The following PTPRN2 variants were observed in gnomAD, a reference collection of about 807,000 sequenced individuals.
PTPRN2 encodes protein tyrosine phosphatase receptor type N2.
Under a neutral mutation model 118.8 loss-of-function variants are expected in PTPRN2, and 74 were observed. The observed-to-expected ratio is 0.62, with a 90% CI of 0.52 to 0.76. The LOEUF is 0.76. Among genes scored for constraint, PTPRN2 ranks in the 30% least tolerant of loss-of-function variants. The pLI is 0.00. For synonymous variants in PTPRN2, 641 were observed against 608.0 expected (o/e 1.05, Z -0.80); for missense variants, 1,481 against 1,394.4 (o/e 1.06, Z -0.99).
chr7:158,058,047 G>T (rs1251983553), intron 11 of PTPRN2, among the ~76,000 whole-genome samples: 2 of 152,212 alleles, frequency 1.3e-5, no homozygotes, highest in African/African-American at 4.8e-5. Context: ...ATGATCTATT[G>T]TAAGTAAATC....
intron 16 of PTPRN2, among the ~76,000 whole-genome samples, chr7:157,599,378 C>A (rs1801533204): frequency 6.6e-6 from 1 of 152,164 alleles, no homozygotes; most frequent in Non-Finnish European, 1.5e-5. Context: ...TTGACTGATT[C>A]TTATGAAGAT....
chr7:158,143,608 G>A (rs1160141919), intron 6 of PTPRN2, among the ~76,000 whole-genome samples: 2 of 152,190 alleles, frequency 1.3e-5, no homozygotes, highest in Non-Finnish European at 1.5e-5. Context: ...CTGTGGACAC[G>A]AACCAATGAA....
intron 3 of PTPRN2, among the ~76,000 whole-genome samples, chr7:158,273,281 T>C (rs1011342348): frequency 6.6e-6 from 1 of 152,128 alleles, no homozygotes; most frequent in African/African-American, 2.4e-5. Flanking sequence ...TTATGGCCAG[T>C]GAGCACCCAC....
intron 12 of PTPRN2, among the ~76,000 whole-genome samples, chr7:157,717,711 G>A (rs947149081): frequency 2.0e-5 from 3 of 152,348 alleles, no homozygotes; most frequent in Non-Finnish European, 4.4e-5. Context: ...CTGCAGGACC[G>A]CTGGCTGGGG....
intron 3 of PTPRN2, among the ~76,000 whole-genome samples, chr7:158,274,539 A>G (rs1243083411): frequency 6.6e-6 from 1 of 151,958 alleles, no homozygotes; most frequent in Non-Finnish European, 1.5e-5. Flanking sequence ...GCACAGGGGG[A>G]GCCACAGACA....
At chr7:158,295,820 C>T (rs1034035126) in intron 3 of PTPRN2, among the ~76,000 whole-genome samples, 14 of 152,194 alleles carry the variant, frequency 9.2e-5, no homozygotes, top group East Asian at 5.8e-4. Context: ...CCACGGCGCC[C>T]GCTGACCCTG....
rs111878104 is a variant in PTPRN2, at chr7:158,509,278, G to C, written c.113-19493C>G. The stretch of plus-strand genomic sequence containing the variant: ...ATCCACTTCCTTTCCTTGCCGGCCC[G>C]TCAGTCACAGCATCGGAAGAATGAA... On this transcript the variant is annotated intron_variant, in intron 1 of 22. Coordinates refer to ENST00000389418, the MANE Select transcript of PTPRN2 (RefSeq NM_002847.5). The surrounding 1 kb of genome is among the most constrained non-coding windows in gnomAD (Gnocchi z 4.4). Among the ~76,000 whole-genome samples, 1 of 152,200 alleles carries C rather than the reference G, an allele frequency of 6.6e-6. No individual in the cohort carries two copies. The highest frequency in any genetic ancestry group is 2.4e-5 in the African/African-American group (1 of 41,446).
chr7:158,387,522 T>A (rs1811534249), intron 2 of PTPRN2, among the ~76,000 whole-genome samples: 3 of 152,424 alleles, frequency 2.0e-5, no homozygotes, highest in South Asian at 4.1e-4. Flanking sequence ...TGGAAAGCAC[T>A]CTCTGGGTCC....
In PTPRN2 at chr7:157,869,645, A is replaced by C. The variant is rs1258506153; in HGVS notation, c.1788+29028T>G. Among the ~76,000 whole-genome samples the C allele has an allele frequency of 6.6e-6, 1 of 152,138 alleles. No homozygotes were observed. The highest frequency in any genetic ancestry group is 2.4e-5 in the African/African-American group (1 of 41,424). On this transcript the variant is annotated intron_variant, in intron 12 of 22. Transcript: ENST00000389418. This position sits in a 1 kb window ranked among gnomAD's most constrained non-coding sequence, Gnocchi z 4.2. ...TGGATATATTTTAAGAATGGAAAAC[A>C]AAAAGAAGTGAGAAGGAGCCAAACC...
chr7:158,286,934 T>G (rs1187461133), intron 3 of PTPRN2, among the ~76,000 whole-genome samples: 1 of 152,220 alleles, frequency 6.6e-6, no homozygotes, highest in Non-Finnish European at 1.5e-5. Context: ...GTATTAGTCC[T>G]TCTTTAAATG....
chr7:158,155,727 TCACCA>T (rs1821741254), intron 6 of PTPRN2, among the ~76,000 whole-genome samples: 1 of 49,438 alleles, frequency 2.0e-5, no homozygotes, highest in African/African-American at 1.2e-4. Context: ...ATCATCACCA[TCACCA>T]TCATCACCAT....
At chr7:157,557,940 CAGG>C (rs1421734806) in intron 21 of PTPRN2, among the ~76,000 whole-genome samples, 1 of 150,570 alleles carries the variant, frequency 6.6e-6, no homozygotes, top group African/African-American at 2.5e-5. Flanking sequence ...CCCAATACTC[CAGG>C]AGGACAGGGA....
At chr7:157,731,685 T>C (rs868118618) in intron 12 of PTPRN2, among the ~76,000 whole-genome samples, 19 of 7,350 alleles carry the variant, frequency 2.6e-3, no homozygotes, top group South Asian at 0.022. Context: ...CCCTTTCCCG[T>C]CCCACGCGCC....
chr7:157,849,347 T>A (rs1214747659), intron 12 of PTPRN2, among the ~76,000 whole-genome samples: 1 of 152,058 alleles, frequency 6.6e-6, no homozygotes, highest in Non-Finnish European at 1.5e-5. Context: ...GCGATTCATG[T>A]CAGACACTAC....
intron 13 of PTPRN2, among the ~76,000 whole-genome samples, chr7:157,665,529 T>C (rs1796095504): frequency 6.6e-6 from 1 of 152,240 alleles, no homozygotes; most frequent in South Asian, 2.1e-4. Context: ...TGCCTGGCCC[T>C]GAAGGCACCC....
In PTPRN2 at chr7:157,627,443, TCA is replaced by T. The variant is rs1803656385; in HGVS notation, c.2197-5936_2197-5935del. On this transcript the variant is annotated intron_variant, in intron 14 of 22. Transcript: ENST00000389418. This position sits in a 1 kb window ranked among gnomAD's most constrained non-coding sequence, Gnocchi z 4.2. ...GGGAGCGAAGAATTGGTGGTGAATC[TCA>T]GTCGATGCAGGCTGAAGTGCTTAGG... is the stretch of plus-strand genomic sequence containing the variant. Among the ~76,000 whole-genome samples, 1 of 152,190 alleles carries T rather than the reference TCA, an allele frequency of 6.6e-6. No individual in the cohort carries two copies. The highest frequency in any genetic ancestry group is 6.5e-5 in the Admixed American group (1 of 15,274).
rs572793138 is a variant in PTPRN2, at chr7:158,210,909, T to G, written c.278-5636A>C. On this transcript the variant is annotated intron_variant, in intron 3 of 22. Coordinates refer to ENST00000389418, the MANE Select transcript of PTPRN2 (RefSeq NM_002847.5). ...ATTTAAAGAAGAATCTTGCTCAAAC[T>G]ATTCCAAAAGATAGAGGAGGAGGAA... Among the ~76,000 whole-genome samples the G allele has an allele frequency of 4.3e-4, 66 of 152,326 alleles. 1 individual carries two copies. In the South Asian group the frequency reaches 0.013, roughly 29 times the overall value.
chr7:158,339,948 A>T (rs1423234249), intron 2 of PTPRN2, among the ~76,000 whole-genome samples: 3 of 100,190 alleles, frequency 3.0e-5, no homozygotes, highest in African/African-American at 1.1e-4. Flanking sequence ...TGTCGCCCGC[A>T]GACGTGACTC....
chr7:158,188,799 C>T (rs1324655812), intron 5 of PTPRN2, among the ~76,000 whole-genome samples: 2 of 152,172 alleles, frequency 1.3e-5, no homozygotes, highest in African/African-American at 4.8e-5. Context: ...TTCCAGAGCA[C>T]TCCGGGGCGT....
Sources: allele counts gnomAD v4.1 joint callset (sites outside exome capture counted in the v4.1 genomes callset), GRCh38; gene constraint gnomAD v4.1.1; non-coding constraint Gnocchi (gnomAD v3.1); transcripts MANE v1.5; gene names NCBI Gene and HGNC (gene_info 2026-07-23, HGNC 2026-07-21).